Variants in DHODH observed in about 807,000 individuals in gnomAD.
The protein encoded by DHODH is dihydroorotate dehydrogenase (quinone), mitochondrial.
In DHODH, 30 loss-of-function variants were observed where a neutral mutation model predicts 39.7. That is an observed-to-expected ratio of 0.76 (90% confidence interval 0.57 to 1.02). The LOEUF is 1.02. DHODH is among the 50% of genes least tolerant of loss of function. The probability of loss-of-function intolerance (pLI) is 0.00; values close to 1 mark genes in which losing one functional copy is unlikely to be tolerated. For synonymous variants in DHODH, 222 were observed against 213.8 expected (o/e 1.04, Z -0.34); for missense variants, 531 against 520.8 (o/e 1.02, Z -0.19).
chr16:72,019,656 T>C (rs2041181354), intron 4 of DHODH, among the ~76,000 whole-genome samples: 1 of 152,186 alleles, frequency 6.6e-6, no homozygotes, highest in Non-Finnish European at 1.5e-5. Flanking sequence ...ACATGTAAAC[T>C]GAGACCCTCT....
Position 72,023,564 on chromosome 16 carries a change from A to G in DHODH, c.1064A>G (p.Tyr355Cys). Residue 355 changes from tyrosine (Y) to cysteine (C), a missense_variant, in exon 8 of 9, where the codon TAC (tyrosine) becomes TGC (cysteine). By Grantham distance (194) the Tyr-to-Cys change is radical (BLOSUM62 -2). Coordinates refer to ENST00000219240, the MANE Select transcript of DHODH (RefSeq NM_001361.5). ...IRAGASLVQL[Y>C]TALTFWGPPV... ...GCAGGGGCCTCCCTGGTGCAGCTGT[A>G]CACGGCCCTCACCTTCTGGGGGCCA... The G allele has an allele frequency of 6.2e-7, 1 of 1,614,132 alleles. No individual in the cohort carries two copies. The highest frequency in any genetic ancestry group is 2.2e-5 in the East Asian group (1 of 44,876).
chr16:72,009,717 C>T (rs911488129), intron 1 of DHODH, among the ~76,000 whole-genome samples: 2 of 151,524 alleles, frequency 1.3e-5, no homozygotes, highest in Non-Finnish European at 2.9e-5. Context: ...CGGGTTCAAC[C>T]GATTTTCCTG....
rs922931350 is a variant in DHODH, at chr16:72,026,020, G to A, written c.*1821G>A. The A allele has an allele frequency of 1.3e-5, 2 of 152,258 alleles. No individual in the cohort carries two copies. The highest frequency in any genetic ancestry group is 2.9e-5 in the Non-Finnish European group (2 of 68,078). The allele number at this position is 152,258 out of a possible 1,614,324, so 9.4% of individuals were successfully genotyped here. A position where few individuals can be genotyped will look rare whatever the true frequency, so the allele number is the denominator to read the frequency against. On this transcript the variant is annotated 3_prime_UTR_variant, in exon 9 of 9. Coordinates refer to ENST00000219240, the MANE Select transcript of DHODH (RefSeq NM_001361.5). ...CCAAGCCTTGGCTGCTCTAAAAGCC[G>A]GCTCATTGCCTTCTGCTTCTCCGGA...
chr16:72,021,197 G>T lies in DHODH; in HGVS notation c.591G>T (p.Gly197=), dbSNP rs772180035. Residue 197 remains glycine (G), a synonymous_variant, in exon 5 of 9, where the codon GGG becomes GGT. Coordinates refer to ENST00000219240, the MANE Select transcript of DHODH (RefSeq NM_001361.5). ...ACGCCGCGGAGGACTACGCAGAAGGGGTGCGCGTACTGGGCCCCCTGGCCG... is the reference window on the plus strand; with the variant it reads ...ACGCCGCGGAGGACTACGCAGAAGGTGTGCGCGTACTGGGCCCCCTGGCCG... The part of the protein sequence containing the change: ...SVDAAEDYAE[G]VRVLGPLADY... 2 of 1,610,874 alleles carry T rather than the reference G, an allele frequency of 1.2e-6. No homozygotes were observed. Among genetic ancestry groups the T allele is most frequent in the Non-Finnish European group, 8.5e-7 (1 of 1,178,830 alleles).
chr16:72,013,176 AT>A (rs1193912267), intron 2 of DHODH, among the ~76,000 whole-genome samples: 3 of 151,846 alleles, frequency 2.0e-5, no homozygotes, highest in African/African-American at 7.3e-5. Context: ...TCACTATCTG[AT>A]TATATGGTGT....
At chr16:72,018,785 C>T (rs1162618295) in intron 4 of DHODH, among the ~76,000 whole-genome samples, 1 of 152,162 alleles carries the variant, frequency 6.6e-6, no homozygotes, top group Non-Finnish European at 1.5e-5. Context: ...CTGTCTAACT[C>T]CCAAATCTTG....
chr16:72,019,308 A>G (rs1040843970), intron 4 of DHODH, among the ~76,000 whole-genome samples: 3 of 151,928 alleles, frequency 2.0e-5, no homozygotes, highest in Non-Finnish European at 4.4e-5. Flanking sequence ...AAGTAGCTAC[A>G]CTCATCTCAT....
At chr16:72,015,321 G>A (rs923895718) in intron 3 of DHODH, among the ~76,000 whole-genome samples, 2 of 152,230 alleles carry the variant, frequency 1.3e-5, no homozygotes, top group Non-Finnish European at 2.9e-5. Context: ...GCGGCCAGCA[G>A]GCTTGTATTG....
Position 72,024,446 on chromosome 16 carries a change from A to G in DHODH, c.*247A>G. On this transcript the variant is annotated 3_prime_UTR_variant, in exon 9 of 9. Transcript: ENST00000219240. ...AAACCCTAGGATCCATCAGTCTTGCAAGGACATTGAATATTAGGAGGAAAA... is the reference window on the plus strand; with the variant it reads ...AAACCCTAGGATCCATCAGTCTTGCGAGGACATTGAATATTAGGAGGAAAA... 1.8e-6 allele frequency: 1 copy of G among 554,446 alleles called. No homozygotes were observed. Among genetic ancestry groups the G allele is most frequent in the East Asian group, 3.1e-5 (1 of 32,312 alleles). The allele number at this position is 554,446 out of a possible 1,614,324, so 34.3% of individuals were successfully genotyped here.
intron 4 of DHODH, among the ~76,000 whole-genome samples, chr16:72,018,035 A>G (rs552327651): frequency 1.3e-5 from 2 of 152,020 alleles, no homozygotes; most frequent in African/African-American, 4.8e-5. Context: ...CGGCCTCCCA[A>G]AGTGCTGGGA....
intron 8 of DHODH, 73 bp downstream of exon 8, chr16:72,023,706 T>C (rs1344290276): frequency 3.1e-6 from 5 of 1,590,480 alleles, no homozygotes; most frequent in Non-Finnish European, 4.3e-6. Context: ...GTCAACGAGA[T>C]ACTGTTGATC....
At chr16:72,023,718 G>A (rs2041249564) in intron 8 of DHODH, 85 bp downstream of exon 8, 1 of 1,580,580 alleles carries the variant, frequency 6.3e-7, no homozygotes, top group Non-Finnish European at 8.6e-7. Flanking sequence ...CTGTTGATCT[G>A]TTTCTTATTC....
intron 8 of DHODH, 122 bp from the exon 9 acceptor site, chr16:72,024,023 G>A (rs771355184): frequency 2.0e-6 from 2 of 1,014,470 alleles, no homozygotes; most frequent in Non-Finnish European, 3.1e-6. Context: ...GGTGAAGAGT[G>A]TAGAGGAAAC....
At position 72,012,196 on chromosome 16, in the gene DHODH, A is replaced by C; in HGVS notation, c.168A>C (p.Arg56Ser). The C allele has an allele frequency of 6.2e-7, 1 of 1,614,086 alleles. No homozygotes were observed. The highest frequency in any genetic ancestry group is 8.5e-7 in the Non-Finnish European group (1 of 1,179,998). The part of the protein sequence containing the change: ...QGLLDPESAH[R>S]LAVRFTSLGL... ...TGCTGGACCCGGAGTCAGCCCACAG[A>C]CTGGCTGTTCGCTTCACCTCCCTGG... The change falls in exon 2 of 9, where the codon AGA (arginine) becomes AGC (serine). Residue 56 changes from arginine to serine, a missense_variant. Physicochemically the swap from Arg to Ser is moderately radical, Grantham distance 110 (BLOSUM62 -1). Transcript: ENST00000219240.
At chr16:72,016,823 C>A in intron 3 of DHODH, 1 of 577,330 alleles carries the variant, frequency 1.7e-6, no homozygotes, top group South Asian at 1.8e-5. Flanking sequence ...GCTGGCTGAG[C>A]ATTTGCAAAT....
chr16:72,020,908 G>A (rs969801775), intron 4 of DHODH, among the ~76,000 whole-genome samples: 1 of 152,174 alleles, frequency 6.6e-6, no homozygotes, highest in Non-Finnish European at 1.5e-5. Flanking sequence ...AAACATCCTC[G>A]TAGCTGCCCA....
At position 72,013,968 on chromosome 16, in the gene DHODH, G is replaced by A. The variant is rs531380920; in HGVS notation, c.235-505G>A. ...GGTTCCCCGTGGGAGGCTGGGGGAC[G>A]TGGCTGGGGCTTCTTGCCAGCCCGG... On this transcript the variant is annotated intron_variant, in intron 2 of 8. Coordinates refer to ENST00000219240, the MANE Select transcript of DHODH (RefSeq NM_001361.5). Among the ~76,000 whole-genome samples the A allele has an allele frequency of 5.6e-4, 86 of 152,284 alleles. 1 individual carries two copies. Among genetic ancestry groups the A allele is most frequent in the African/African-American group, 1.8e-3 (75 of 41,568 alleles).
intron 2 of DHODH, among the ~76,000 whole-genome samples, chr16:72,012,645 C>G (rs958247868): frequency 2.6e-5 from 4 of 152,226 alleles, no homozygotes; most frequent in African/African-American, 9.6e-5. Context: ...GCCCCTTGGC[C>G]ACTGTCCTGC....
chr16:72,021,336 G>A (rs1487609837), intron 5 of DHODH, 25 bp downstream of exon 5: 1 of 1,580,070 alleles, frequency 6.3e-7, no homozygotes. Flanking sequence ...CCCTCTCCAG[G>A]CCCTGTCCCA....
Sources: allele counts gnomAD v4.1 joint callset (sites outside exome capture counted in the v4.1 genomes callset), GRCh38; gene constraint gnomAD v4.1.1; transcripts MANE v1.5; gene names NCBI Gene and HGNC (gene_info 2026-07-23, HGNC 2026-07-21).